Variants in MROH2A observed in about 807,000 individuals in gnomAD.
MROH2A encodes maestro heat-like repeat-containing protein family member 2A.
In MROH2A, 174 loss-of-function variants were observed where a neutral mutation model predicts 200.4. That is an observed-to-expected ratio of 0.87 (90% CI 0.77 to 0.98). MROH2A has a LOEUF of 0.98. MROH2A is among the 50% of genes least tolerant of loss of function. The pLI, the probability that MROH2A is intolerant of heterozygous loss-of-function variation, is 0.00. For missense variants in MROH2A, 2,045 were observed against 2,139.6 expected (o/e 0.96, Z 0.87); for synonymous variants, 829 against 840.4 (o/e 0.99, Z 0.23).
chr2:233,807,430 T>G lies in MROH2A; in HGVS notation c.2060T>G (p.Leu687Arg). 1.3e-6 allele frequency: 2 copies of G among 1,550,302 alleles called. No individual in the cohort carries two copies. The highest frequency in any genetic ancestry group is 1.7e-6 in the Non-Finnish European group (2 of 1,146,830). The change falls in exon 20 of 42, where the codon CTG becomes CGG. Residue 687 changes from leucine (L) to arginine (R), a missense_variant. By Grantham distance (102) the Leu-to-Arg change is moderately radical (BLOSUM62 -2). Transcript: ENST00000389758. This position sits in a 1 kb window ranked among gnomAD's most constrained non-coding sequence, Gnocchi z 4.3. ...FDSPSLEKGFLYRALGFTLAT... is the reference protein window; with the variant it reads ...FDSPSLEKGFRYRALGFTLAT... ...TCCCTTCTGCCTCTCCAGGGCTTTC[T>G]GTACCGGGCCTTGGGCTTCACCTTG...
intron 11 of MROH2A, among the ~76,000 whole-genome samples, chr2:233,796,810 G>C (rs934940490): frequency 6.6e-6 from 1 of 152,322 alleles, no homozygotes; most frequent in African/African-American, 2.4e-5. Flanking sequence ...GTACATAATG[G>C]TTAGAAGAGC....
In MROH2A at chr2:233,795,761, T is replaced by G. The variant is rs1442658425; in HGVS notation, c.1059+16T>G. On this transcript the variant is annotated intron_variant, in intron 9 of 41. Transcript: ENST00000389758. Reference sequence around the variant, plus strand: ...GCACGTCCAGGTGAGGCCAGCAAGCTCAGCTGGACAAGGGCATTCTCTGGG... The same window carrying G: ...GCACGTCCAGGTGAGGCCAGCAAGCGCAGCTGGACAAGGGCATTCTCTGGG... The G allele has an allele frequency of 6.4e-7, 1 of 1,550,768 alleles. No homozygotes were observed. Among genetic ancestry groups the G allele is most frequent in the Non-Finnish European group, 8.7e-7 (1 of 1,147,062 alleles).
chr2:233,789,572 C>T lies in MROH2A; in HGVS notation c.352C>T (p.Gln118Ter), dbSNP rs574586486. The change falls in exon 4 of 42, where the codon CAG becomes TAG. Residue 118 changes from glutamine (Q) to a stop codon, truncating the protein, a stop_gained. Transcript: ENST00000389758. LOFTEE classifies it high-confidence loss of function. ...CCAGCAGGAGGGGGAGCTGGAGGAG[C>T]AGTGCGTGCAGAGGCTGGTGGCCAT... ...IIQQEGELEE[Q>*]CVQRLVAIAS... The T allele has an allele frequency of 1.3e-6, 2 of 1,497,396 alleles. No individual in the cohort carries two copies. The highest frequency in any genetic ancestry group is 3.5e-4 in the Middle Eastern group (2 of 5,732). The allele number at this position is 1,497,396 out of a possible 1,614,324, so 92.8% of individuals were successfully genotyped here.
chr2:233,792,708 G>A (rs1575925999), intron 5 of MROH2A, 88 bp from the exon 6 acceptor site: 1 of 795,062 alleles, frequency 1.3e-6, no homozygotes, highest in Non-Finnish European at 2.1e-6. Context: ...AGGGGTTGGA[G>A]GTGGAGGGCA....
At chr2:233,776,197 C>A (rs1700698735), upstream of MROH2A, among the ~76,000 whole-genome samples, 1 of 152,130 alleles carries the variant, frequency 6.6e-6, no homozygotes, top group African/African-American at 2.4e-5. Context: ...TTTAAGCTCA[C>A]AGGATGCTAC....
At chr2:233,818,489 G>A (rs926973453) in intron 28 of MROH2A, among the ~76,000 whole-genome samples, 163 bp from the exon 29 acceptor site, 4 of 152,106 alleles carry the variant, frequency 2.6e-5, no homozygotes, top group South Asian at 2.1e-4. Context: ...GGCAGAGGCC[G>A]CCACAGGGAA....
rs772814206 is a variant in MROH2A, at chr2:233,788,137, A to T, written c.277-1360A>T. On this transcript the variant is annotated intron_variant, in intron 3 of 41. Transcript: ENST00000389758. The stretch of plus-strand genomic sequence containing the variant: ...TATTATATATACATATATATTTTAT[A>T]TATATATAATATATATTTTATATAT... Among the ~76,000 whole-genome samples the T allele has an allele frequency of 2.8e-5, 3 of 108,766 alleles. 1 individual carries two copies. Among genetic ancestry groups the T allele is most frequent in the African/African-American group, 1.1e-4 (3 of 27,930 alleles). 71.4% of individuals were successfully genotyped at this position (108,766 alleles called of 152,430 possible).
At chr2:233,779,091 A>G (rs927732785) in intron 1 of MROH2A, among the ~76,000 whole-genome samples, 2 of 152,220 alleles carry the variant, frequency 1.3e-5, no homozygotes, top group Non-Finnish European at 2.9e-5. Flanking sequence ...GTTTCTGTTC[A>G]ATCTGATAAG....
At position 233,831,480 on chromosome 2, in the gene MROH2A, A is replaced by C; in HGVS notation, c.4674A>C (p.Pro1558=). ...GWKSLEHPSG[P]SDTATDDKMT... ...AGTCCCTGGAGCATCCCTCAGGGCC[A>C]AGTGATACCGCTACTGATGACAAGA... The change falls in exon 39 of 42, where the codon CCA becomes CCC. Residue 1558 remains proline (P), a synonymous_variant. Coordinates refer to ENST00000389758, the MANE Select transcript of MROH2A (RefSeq NM_001394639.1). The C allele has an allele frequency of 6.4e-7, 1 of 1,550,510 alleles. No individual in the cohort carries two copies. The highest frequency in any genetic ancestry group is 8.7e-7 in the Non-Finnish European group (1 of 1,146,962).
Position 233,833,315 on chromosome 2 carries a change from T to A in MROH2A, c.*56T>A, listed in dbSNP as rs1372295864. The A allele has an allele frequency of 1.9e-5, 28 of 1,448,106 alleles. No individual in the cohort carries two copies. The highest frequency in any genetic ancestry group is 3.1e-5 in the Admixed American group (1 of 32,460). The allele number at this position is 1,448,106 out of a possible 1,614,324, so 89.7% of individuals were successfully genotyped here. On this transcript the variant is annotated 3_prime_UTR_variant, in exon 42 of 42. Transcript: ENST00000389758. ...CTTAGTGCCAAATGCAAGCCCTTTT[T>A]AATTTAGTTTGTAAGAAGTTTAGTT...
chr2:233,787,595 A>T (rs11404560), intron 3 of MROH2A, among the ~76,000 whole-genome samples: 21,473 of 25,752 alleles, frequency 0.83, 8,882 homozygotes, highest in Admixed American at 0.87. Context: ...ACATATATAT[A>T]TTATATATTA....
chr2:233,818,559 G>A, intron 28 of MROH2A, 93 bp from the exon 29 acceptor site: 1 of 788,612 alleles, frequency 1.3e-6, no homozygotes, highest in East Asian at 2.7e-5. Flanking sequence ...GGGTGGCTCA[G>A]GCCTGCAAAG....
In MROH2A at chr2:233,804,383, T is replaced by C; in HGVS notation, c.1892-112T>C. 3 of 1,346,104 alleles carry C rather than the reference T, an allele frequency of 2.2e-6. No homozygotes were observed. In the South Asian group the frequency reaches 4.0e-5, roughly 18 times the overall value. 83.4% of individuals were successfully genotyped at this position (1,346,104 alleles called of 1,614,324 possible). ...TGCAATGCAACGTGTGATGTGTTCA[T>C]CCATGGAGGGCCTCAAATGCCACGC... On this transcript the variant is annotated intron_variant, in intron 17 of 41. Coordinates refer to ENST00000389758, the MANE Select transcript of MROH2A (RefSeq NM_001394639.1).
intron 40 of MROH2A, 95 bp from the exon 41 acceptor site, chr2:233,832,484 C>A: frequency 1.8e-6 from 2 of 1,096,052 alleles, no homozygotes; most frequent in Non-Finnish European, 2.7e-6. Flanking sequence ...AATCTTTCAT[C>A]AATGCTCTCA....
Position 233,822,210 on chromosome 2 carries a change from C to G in MROH2A, c.3599C>G (p.Ser1200Ter), listed in dbSNP as rs1198196425. The G allele has an allele frequency of 2.6e-6, 4 of 1,548,698 alleles. No individual in the cohort carries two copies. The South Asian group carries it at 4.8e-5, about 18-fold the overall frequency. ...CACAGCCTGATGGGCCGGCTGCAGT[C>G]ACGGCTCAGCCCCAGAATCAGTGCC... is the stretch of plus-strand genomic sequence containing the variant. Reference protein sequence around the residue: ...MLHSLMGRLQSRLSPRISATS... With the variant: ...MLHSLMGRLQ The change falls in exon 32 of 42, where the codon TCA (serine) becomes TGA (stop). Residue 1200 changes from serine to a stop codon, truncating the protein, a stop_gained. Transcript: ENST00000389758. LOFTEE classifies it high-confidence loss of function.
At chr2:233,793,855 TG>T (rs1207155538) in intron 7 of MROH2A, 31 bp downstream of exon 7, 2 of 1,370,798 alleles carry the variant, frequency 1.5e-6, no homozygotes, top group Non-Finnish European at 1.9e-6. Flanking sequence ...GAGGGCCTGG[TG>T]GTCCCCAGGC....
intron 8 of MROH2A, among the ~76,000 whole-genome samples, chr2:233,794,971 A>T (rs1310516290): frequency 3.3e-5 from 5 of 151,790 alleles, no homozygotes; most frequent in Non-Finnish European, 7.4e-5. Context: ...TGGCAGCATC[A>T]CTCCAATTTC....
intron 39 of MROH2A, 127 bp from the exon 40 acceptor site, chr2:233,832,050 T>G (rs999807115): frequency 4.3e-5 from 30 of 701,992 alleles, no homozygotes; most frequent in Non-Finnish European, 7.0e-5. Context: ...ACTCACCTGC[T>G]GTGTGACGCT....
At chr2:233,799,280 CT>C (rs1702308173) in intron 12 of MROH2A, among the ~76,000 whole-genome samples, 1 of 152,100 alleles carries the variant, frequency 6.6e-6, no homozygotes, top group Admixed American at 6.5e-5. Context: ...TGGCCATGGG[CT>C]GGGGAAGGGA....
Sources: allele counts gnomAD v4.1 joint callset (sites outside exome capture counted in the v4.1 genomes callset), GRCh38; gene constraint gnomAD v4.1.1; non-coding constraint Gnocchi (gnomAD v3.1); transcripts MANE v1.5; gene names NCBI Gene and HGNC (gene_info 2026-07-23, HGNC 2026-07-21).